Variants in TDP1 observed in about 807,000 individuals in gnomAD.
TDP1 encodes the protein tyrosyl-DNA phosphodiesterase 1, also known as tyr-DNA phosphodiesterase 1.
In TDP1, 64 loss-of-function variants were observed where a neutral mutation model predicts 81.5. The ratio of observed to expected loss-of-function variants is 0.79; its 90% CI spans 0.64 to 0.97. The LOEUF (loss-of-function observed/expected upper bound fraction) is 0.97. Ranked by LOEUF, TDP1 falls within the 50% of genes least tolerant of loss-of-function variation. The pLI is 0.00. For synonymous variants in TDP1, 256 were observed against 264.3 expected (o/e 0.97, Z 0.30); for missense variants, 723 against 743.8 (o/e 0.97, Z 0.33).
At chr14:90,039,858 T>C (rs1013761931) in intron 16 of TDP1, among the ~76,000 whole-genome samples, 1 of 152,138 alleles carries the variant, frequency 6.6e-6, no homozygotes, top group Non-Finnish European at 1.5e-5. Flanking sequence ...AACCGCATGA[T>C]GCAAGTACGA....
intron 14 of TDP1, among the ~76,000 whole-genome samples, chr14:89,994,403 C>G (rs1896488021): frequency 6.6e-6 from 1 of 152,190 alleles, no homozygotes; most frequent in Admixed American, 6.5e-5. Flanking sequence ...GAGTCTCTTT[C>G]TACTTTATTG....
intron 14 of TDP1, among the ~76,000 whole-genome samples, chr14:89,997,324 A>G (rs1896722740): frequency 6.6e-6 from 1 of 152,194 alleles, no homozygotes; most frequent in Non-Finnish European, 1.5e-5. Context: ...AGTGGTAACC[A>G]TGAAAGCACT....
intron 5 of TDP1, 79 bp from the exon 6 acceptor site, chr14:89,971,096 A>T: frequency 7.7e-7 from 1 of 1,292,336 alleles, no homozygotes. Flanking sequence ...TCGGCCTCCC[A>T]AGGTGCCGGG....
chr14:89,991,913 A>G lies in TDP1; in HGVS notation c.1367-4A>G. 1 of 1,606,296 alleles carries G rather than the reference A, an allele frequency of 6.2e-7. No homozygotes were observed. ...TTTTTATTGTTTTATTTTTCTTTTA[A>G]AAGCTGGGGGCTCTCTTCCCTATAG... On this transcript the variant is annotated splice_region_variant and splice_polypyrimidine_tract_variant and intron_variant, in intron 12 of 16. Transcript: ENST00000335725.
chr14:90,018,237 G>A (rs1256898379), intron 14 of TDP1, among the ~76,000 whole-genome samples: 1 of 152,162 alleles, frequency 6.6e-6, no homozygotes, highest in East Asian at 1.9e-4. Flanking sequence ...AGAGTTTTCT[G>A]AATAGCTGAG....
chr14:89,958,095 A>T (rs1596485720), intron 2 of TDP1, among the ~76,000 whole-genome samples: 1 of 152,178 alleles, frequency 6.6e-6, no homozygotes, highest in Non-Finnish European at 1.5e-5. Context: ...GCCTGGGTGT[A>T]TGGCAAGTGA....
chr14:89,977,446 T>C (rs1439987329), intron 7 of TDP1, among the ~76,000 whole-genome samples: 1 of 152,028 alleles, frequency 6.6e-6, no homozygotes, highest in East Asian at 1.9e-4. Flanking sequence ...TACAGGCGTG[T>C]GCCACCACGT....
At chr14:90,028,811 A>G (rs1886937496) in intron 15 of TDP1, among the ~76,000 whole-genome samples, 1 of 152,174 alleles carries the variant, frequency 6.6e-6, no homozygotes, top group Non-Finnish European at 1.5e-5. Context: ...ATATCACAAA[A>G]TGGAGTCATG....
intron 14 of TDP1, among the ~76,000 whole-genome samples, chr14:90,010,141 A>G (rs1884530411): frequency 6.6e-6 from 1 of 152,220 alleles, no homozygotes; most frequent in Admixed American, 6.5e-5. Flanking sequence ...AATATTTTAA[A>G]ACTTTATTTT....
chr14:90,005,762 ATT>A (rs1343639121), intron 14 of TDP1, among the ~76,000 whole-genome samples: 1 of 152,262 alleles, frequency 6.6e-6, no homozygotes, highest in Admixed American at 6.5e-5. Flanking sequence ...ACATTGGAAC[ATT>A]TCATTAGAAA....
intron 16 of TDP1, among the ~76,000 whole-genome samples, chr14:90,041,984 C>T (rs1170966747): frequency 1.3e-5 from 2 of 152,170 alleles, no homozygotes; most frequent in South Asian, 2.1e-4. Context: ...ATTCCCATTC[C>T]ATAGAGGAGG....
At chr14:89,980,277 A>G in intron 7 of TDP1, 1 of 985,408 alleles carries the variant, frequency 1.0e-6, no homozygotes, top group Non-Finnish European at 1.2e-6. Flanking sequence ...GCCAGGCTGG[A>G]GGGATGTGAA....
intron 7 of TDP1, chr14:89,980,120 T>A: frequency 1.0e-6 from 1 of 980,164 alleles, no homozygotes; most frequent in Non-Finnish European, 1.2e-6. Flanking sequence ...ATATACAGTA[T>A]ACCAATTTAT....
intron 3 of TDP1, 110 bp downstream of exon 3, chr14:89,963,783 C>A: frequency 1.5e-6 from 2 of 1,307,424 alleles, no homozygotes; most frequent in Non-Finnish European, 2.2e-6. Flanking sequence ...TCTTTGTGTT[C>A]TTAACTACTT....
chr14:89,967,148 A>T, intron 4 of TDP1: 5 of 982,526 alleles, frequency 5.1e-6, no homozygotes, highest in Non-Finnish European at 6.0e-6. Flanking sequence ...GGAACCTGTT[A>T]TCTCATGTAC....
intron 16 of TDP1, among the ~76,000 whole-genome samples, chr14:90,041,290 C>G (rs1252429056): frequency 6.6e-6 from 1 of 152,194 alleles, no homozygotes; most frequent in African/African-American, 2.4e-5. Flanking sequence ...GCCAGACCCT[C>G]AGCCTCTTAG....
Position 89,963,557 on chromosome 14 carries a change from CA to C in TDP1, c.444del (p.Glu150ArgfsTer63). Reference sequence around the variant, plus strand: ...GAGGAGGAAGACGAGTATGAGACATCAGGGGAGGGCCAGGACATTTGGGACA... The same window carrying C: ...GAGGAGGAAGACGAGTATGAGACATCGGGGAGGGCCAGGACATTTGGGACA... ...LKEEEDEYETSGEGQDIWDML... is the reference protein window; with the variant it reads ...LKEEEDEYETXGEGQDIWDML... On this transcript the variant is annotated frameshift_variant, in exon 3 of 17. Transcript: ENST00000335725. LOFTEE classifies it high-confidence loss of function. 1.2e-6 allele frequency: 2 copies of C among 1,611,994 alleles called. No individual in the cohort carries two copies. The highest frequency in any genetic ancestry group is 1.7e-6 in the Non-Finnish European group (2 of 1,178,830).
At chr14:89,955,391 A>T (rs1891458416), upstream of TDP1, 1 of 152,252 alleles carries the variant, frequency 6.6e-6, no homozygotes, top group Non-Finnish European at 1.5e-5. Flanking sequence ...TCCCACAGCA[A>T]ACATCCTTAT....
At chr14:90,016,192 G>A (rs906529386) in intron 14 of TDP1, among the ~76,000 whole-genome samples, 10 of 151,946 alleles carry the variant, frequency 6.6e-5, no homozygotes, top group African/African-American at 2.4e-4. Context: ...TTACAGGTAT[G>A]TGCCACCACG....
Sources: allele counts gnomAD v4.1 joint callset (sites outside exome capture counted in the v4.1 genomes callset), GRCh38; gene constraint gnomAD v4.1.1; transcripts MANE v1.5; gene names NCBI Gene and HGNC (gene_info 2026-07-23, HGNC 2026-07-21).